The following PCDHA12 variants were observed in gnomAD, a reference collection of about 807,000 sequenced individuals.
PCDHA12 encodes protocadherin alpha-12.
PCDHA12 carries 44 observed loss-of-function variants against 60.0 expected under a neutral mutation model. The observed-to-expected ratio is 0.73, with a 90% confidence interval of 0.58 to 0.94. PCDHA12 has a LOEUF of 0.94. Ranked by LOEUF, PCDHA12 falls within the 40% of genes least tolerant of loss-of-function variation. The pLI is 0.00. For synonymous variants in PCDHA12, 569 were observed against 553.0 expected (o/e 1.03, Z -0.40); for missense variants, 1,276 against 1,239.7 (o/e 1.03, Z -0.44).
intron 1 of PCDHA12, among the ~76,000 whole-genome samples, chr5:140,902,233 T>C (rs1402685005): frequency 6.7e-6 from 1 of 149,150 alleles, no homozygotes; most frequent in African/African-American, 2.5e-5. Context: ...AGATGAGGAC[T>C]TGCTTTGTTG....
At chr5:140,956,003 C>T (rs2153708657) in intron 1 of PCDHA12, among the ~76,000 whole-genome samples, 1 of 152,232 alleles carries the variant, frequency 6.6e-6, no homozygotes, top group East Asian at 1.9e-4. Flanking sequence ...ATTTTGTATC[C>T]TGAGACTTTG....
At chr5:141,003,750 A>T (rs868985181) in intron 3 of PCDHA12, among the ~76,000 whole-genome samples, 3 of 152,226 alleles carry the variant, frequency 2.0e-5, no homozygotes, top group African/African-American at 7.2e-5. Flanking sequence ...CATATTTTGT[A>T]TAATTATGGT....
chr5:140,877,101 G>A lies in PCDHA12; in HGVS notation c.1629G>A (p.Pro543=), dbSNP rs375706181. ...TGAGCGCGCGCGACGCCGGCGTGCCGCCTCTGGGCAGCAACGTGACGCTGC... is the reference window on the plus strand; with the variant it reads ...TGAGCGCGCGCGACGCCGGCGTGCCACCTCTGGGCAGCAACGTGACGCTGC... ...FQVSARDAGV[P]PLGSNVTLQV... is the part of the protein sequence containing the mutation. Residue 543 remains proline (P), a synonymous_variant, in exon 1 of 4, where the codon CCG becomes CCA. Transcript: ENST00000398631. 3.3e-5 allele frequency: 53 copies of A among 1,613,354 alleles called. 1 individual carries two copies. The highest frequency in any genetic ancestry group is 4.1e-5 in the Non-Finnish European group (48 of 1,179,850).
rs74520967 is a variant in PCDHA12 at position 140,931,074 on chromosome 5, G to A, written c.2368-47875G>A. Among the ~76,000 whole-genome samples, 869 of 152,264 alleles carry A rather than the reference G, an allele frequency of 5.7e-3. 7 individuals are homozygous for A. The highest frequency in any genetic ancestry group is 0.018 in the African/African-American group (768 of 41,552). ...ATGCTGTGTCTGGGACTAAGTATGAGTCCAGTTCTACAGATGACAAAGGAA... is the reference window on the plus strand; with the variant it reads ...ATGCTGTGTCTGGGACTAAGTATGAATCCAGTTCTACAGATGACAAAGGAA... On this transcript the variant is annotated intron_variant, in intron 1 of 3. Coordinates refer to ENST00000398631, the MANE Select transcript of PCDHA12 (RefSeq NM_018903.4).
chr5:140,971,032 G>A (rs540815935), intron 1 of PCDHA12, among the ~76,000 whole-genome samples: 4 of 152,302 alleles, frequency 2.6e-5, no homozygotes, highest in African/African-American at 7.2e-5. Context: ...GCATTTGAAA[G>A]CACGTAAAAG....
chr5:140,997,384 A>T (rs2097769179), intron 3 of PCDHA12, among the ~76,000 whole-genome samples: 1 of 152,198 alleles, frequency 6.6e-6, no homozygotes, highest in South Asian at 2.1e-4. Context: ...AGCATACTAC[A>T]CACTTAGGCT....
intron 1 of PCDHA12, among the ~76,000 whole-genome samples, chr5:140,931,212 T>A (rs556351535): frequency 3.5e-4 from 54 of 152,168 alleles, no homozygotes; most frequent in Non-Finnish European, 3.5e-4. Context: ...GTATTTCAGG[T>A]ATCAGAGCAC....
At position 141,010,922 on chromosome 5, in the gene PCDHA12, A is replaced by G. The variant is rs1263879494; in HGVS notation, c.*985A>G. The G allele has an allele frequency of 5.2e-5, 8 of 153,814 alleles. No homozygotes were observed. Among genetic ancestry groups the G allele is most frequent in the African/African-American group, 1.9e-4 (8 of 41,474 alleles). The allele number at this position is 153,814 out of a possible 1,614,324, so 9.5% of individuals were successfully genotyped here. A position where few individuals can be genotyped will look rare whatever the true frequency, so the allele number is the denominator to read the frequency against. ...TTCCCCTAAACTCTCCTCAAAAGAG[A>G]ATTCAGTCTACAGCCATTTAAATGA... On this transcript the variant is annotated 3_prime_UTR_variant, in exon 4 of 4. Transcript: ENST00000398631.
chr5:140,916,242 T>A (rs1554197354), intron 1 of PCDHA12, among the ~76,000 whole-genome samples: 1 of 152,208 alleles, frequency 6.6e-6, no homozygotes, highest in Non-Finnish European at 1.5e-5. Flanking sequence ...AGCCAAAGCC[T>A]GGACTTGGGG....
chr5:140,903,279 A>C (rs940299316), intron 1 of PCDHA12, among the ~76,000 whole-genome samples: 1 of 152,170 alleles, frequency 6.6e-6, no homozygotes, highest in East Asian at 1.9e-4. Flanking sequence ...GTAGTGTCTC[A>C]TTGTGCATTA....
intron 3 of PCDHA12, among the ~76,000 whole-genome samples, chr5:141,005,068 A>C (rs1314916800): frequency 6.6e-6 from 1 of 152,256 alleles, no homozygotes. Flanking sequence ...GCATTGTGCT[A>C]AGGATCAAGC....
chr5:140,876,644 C>G lies in PCDHA12; in HGVS notation c.1172C>G (p.Pro391Arg). The G allele has an allele frequency of 2.5e-6, 4 of 1,614,200 alleles. No individual in the cohort carries two copies. Among genetic ancestry groups the G allele is most frequent in the Non-Finnish European group, 3.4e-6 (4 of 1,180,044 alleles). The change falls in exon 1 of 4, where the codon CCT becomes CGT. Residue 391 changes from proline to arginine, a missense_variant. Physicochemically the swap from Pro to Arg is moderately radical, Grantham distance 103. Transcript: ENST00000398631. The part of the protein sequence containing the change: ...ANGQVICSLT[P>R]HVPFKLVSTY... ...GGACAGGTCATCTGCTCACTGACAC[C>G]TCATGTTCCCTTCAAGCTGGTGTCC...
chr5:140,914,317 A>G (rs1016365389), intron 1 of PCDHA12, among the ~76,000 whole-genome samples: 15 of 152,122 alleles, frequency 9.9e-5, no homozygotes, highest in Non-Finnish European at 2.9e-5. Flanking sequence ...CCCCATTATC[A>G]TTGTACAAAG....
chr5:140,884,312 G>T, intron 1 of PCDHA12: 1 of 1,613,768 alleles, frequency 6.2e-7, no homozygotes, highest in Non-Finnish European at 8.5e-7. Flanking sequence ...TTCGTCGAGG[G>T]CGTCGGCAGG....
chr5:140,952,724 C>G (rs1481919445), intron 1 of PCDHA12, among the ~76,000 whole-genome samples: 1 of 152,100 alleles, frequency 6.6e-6, no homozygotes, highest in Non-Finnish European at 1.5e-5. Context: ...ATTTTCTGTA[C>G]TAGTCTTTTC....
chr5:140,914,302 A>G (rs1168032612), intron 1 of PCDHA12, among the ~76,000 whole-genome samples: 4 of 152,144 alleles, frequency 2.6e-5, no homozygotes, highest in African/African-American at 9.7e-5. Context: ...CTCTTGCTGA[A>G]TTGACCCCAT....
At chr5:140,937,085 T>G (rs1386368270) in intron 1 of PCDHA12, among the ~76,000 whole-genome samples, 2 of 150,536 alleles carry the variant, frequency 1.3e-5, no homozygotes, top group African/African-American at 4.9e-5. Context: ...TCGCCCAGGC[T>G]GGAGTGCAGT....
intron 2 of PCDHA12, among the ~76,000 whole-genome samples, chr5:140,982,032 C>G (rs1554243678): frequency 1.3e-5 from 2 of 152,162 alleles, no homozygotes; most frequent in Non-Finnish European, 2.9e-5. Flanking sequence ...GAACAATACT[C>G]CAATTATCAG....
At chr5:140,927,108 C>T (rs782811125) in intron 1 of PCDHA12, 6 of 1,613,528 alleles carry the variant, frequency 3.7e-6, no homozygotes, top group African/African-American at 1.3e-5. Context: ...ATCTACCCAG[C>T]GGCAATTTGG....
Sources: gnomAD v4.1 joint callset for allele counts (sites outside exome capture counted in the v4.1 genomes callset) on GRCh38, gnomAD v4.1.1 for gene constraint, MANE v1.5 for transcripts, NCBI Gene and HGNC (gene_info 2026-07-23, HGNC 2026-07-21) for gene names.